Variants in LMF1 observed in about 807,000 individuals in gnomAD.
LMF1 encodes the protein lipase maturation factor 1.
LMF1 carries 68 observed loss-of-function variants against 60.6 expected under a neutral mutation model. That is an observed-to-expected ratio of 1.12 (90% CI 0.92 to 1.37). LMF1 has a LOEUF of 1.37. Among genes scored for constraint, LMF1 ranks in the 40% most tolerant of loss-of-function variants. The pLI is 0.00. For synonymous variants in LMF1, 418 were observed against 324.7 expected, an observed-to-expected ratio of 1.29 and a Z score of -3.09; for missense variants, 948 against 767.2, an observed-to-expected ratio of 1.24 and a Z score of -2.78.
intron 5 of LMF1, among the ~76,000 whole-genome samples, chr16:882,301 T>C (rs1596895471): frequency 6.6e-6 from 1 of 152,284 alleles, no homozygotes; most frequent in East Asian, 1.9e-4. Flanking sequence ...ATGGCTCGCC[T>C]CCCCTGGAAT....
rs1362909036 is a variant in LMF1 at position 854,495 on chromosome 16, G to A, written c.*37C>T. ...GAAGGGCAAACGTTGCTGAGCCGCCGAGGGGCTGGGTCTTCGCCTTTATTT... is the reference window on the plus strand; with the variant it reads ...GAAGGGCAAACGTTGCTGAGCCGCCAAGGGGCTGGGTCTTCGCCTTTATTT... On this transcript the variant is annotated 3_prime_UTR_variant, in exon 11 of 11. Transcript: ENST00000262301. 2.5e-6 allele frequency: 4 copies of A among 1,583,648 alleles called. No homozygotes were observed. Among genetic ancestry groups the A allele is most frequent in the East Asian group, 2.3e-5 (1 of 43,852 alleles).
intron 10 of LMF1, among the ~76,000 whole-genome samples, chr16:864,687 G>C (rs1192700059): frequency 1.3e-5 from 2 of 149,992 alleles, no homozygotes; most frequent in African/African-American, 5.0e-5. Context: ...TTGAGATAGG[G>C]TCTTGTGTCG....
At chr16:954,790 G>C in intron 1 of LMF1, 124 bp from the exon 2 acceptor site, 1 of 869,560 alleles carries the variant, frequency 1.2e-6, no homozygotes, top group East Asian at 2.6e-5. Context: ...CTGACGGTTT[G>C]GGGCCAAACC....
intron 3 of LMF1, among the ~76,000 whole-genome samples, chr16:911,902 C>T (rs543875736): frequency 7.9e-5 from 12 of 152,230 alleles, no homozygotes; most frequent in East Asian, 1.9e-4. Flanking sequence ...GCGGGGGACA[C>T]GTGGGGGCCC....
chr16:883,483 C>CA (rs1479149055), intron 5 of LMF1, among the ~76,000 whole-genome samples: 1 of 152,206 alleles, frequency 6.6e-6, no homozygotes, highest in African/African-American at 2.4e-5. Context: ...ATCCAGAAGC[C>CA]AAACAGTGTT....
chr16:925,919 G>A (rs757613894), intron 3 of LMF1, among the ~76,000 whole-genome samples: 3 of 152,144 alleles, frequency 2.0e-5, no homozygotes, highest in African/African-American at 4.8e-5. Flanking sequence ...GCATGTGCAC[G>A]TGTTTGCATA....
intron 3 of LMF1, chr16:933,955 T>C (rs1417266656): frequency 1.4e-6 from 2 of 1,416,368 alleles, no homozygotes; most frequent in African/African-American, 2.9e-5. Context: ...CTGTGGGTGC[T>C]TTCCCTCTGC....
At position 954,426 on chromosome 16, in the gene LMF1, C is replaced by T. The variant is rs771658591; in HGVS notation, c.434G>A (p.Cys145Tyr). The part of the protein sequence containing the change: ...GISSFVLITG[C>Y]ANMLLMAALW... ...GGCAGCCATGAGAAGCATGTTGGCG[C>T]AGCCCGTGATCAGTACGAAAGACGA... The change falls in exon 2 of 11, where the codon TGC (cysteine) becomes TAC (tyrosine). Residue 145 changes from cysteine (C) to tyrosine (Y), a missense_variant. Physicochemically the swap from Cys to Tyr is radical, Grantham distance 194. Transcript: ENST00000262301. The T allele has an allele frequency of 1.9e-5, 30 of 1,612,956 alleles. No homozygotes were observed. The African/African-American group carries it at 2.0e-4, about 11-fold the overall frequency.
At chr16:859,321 GTT>G (rs775946826) in intron 10 of LMF1, among the ~76,000 whole-genome samples, 1 of 13,318 alleles carries the variant, frequency 7.5e-5, no homozygotes, top group Non-Finnish European at 1.6e-4. Flanking sequence ...GGTGTGCAGT[GTT>G]GTCACGGGAC....
intron 10 of LMF1, among the ~76,000 whole-genome samples, chr16:862,220 G>A (rs1008982943): frequency 4.6e-5 from 7 of 150,894 alleles, no homozygotes; most frequent in African/African-American, 1.7e-4. Flanking sequence ...CTGTTGCCGA[G>A]GCTGGAGTGC....
chr16:977,940 A>ACAT (rs1351668881), intron 1 of LMF1, among the ~76,000 whole-genome samples: 173 of 146,484 alleles, frequency 1.2e-3, no homozygotes, highest in African/African-American at 4.3e-3. Context: ...CATACATCAT[A>ACAT]CACACGCACA....
intron 1 of LMF1, among the ~76,000 whole-genome samples, chr16:977,371 C>A (rs868754448): frequency 1.3e-5 from 2 of 152,294 alleles, no homozygotes; most frequent in Non-Finnish European, 1.5e-5. Context: ...CCCCTCCTCT[C>A]CCCTGGAGAC....
chr16:947,661 G>A (rs968093571), intron 2 of LMF1: 9 of 451,102 alleles, frequency 2.0e-5, no homozygotes, highest in African/African-American at 1.0e-4. Flanking sequence ...TTCTGGGGTC[G>A]AGACAGTGGG....
chr16:948,015 G>A (rs375713839), intron 2 of LMF1, among the ~76,000 whole-genome samples: 2 of 151,062 alleles, frequency 1.3e-5, no homozygotes, highest in Non-Finnish European at 2.9e-5. Context: ...GTCAGCCAAC[G>A]ACAGAGTCAG....
At chr16:913,060 C>T (rs1401339491) in intron 3 of LMF1, among the ~76,000 whole-genome samples, 1 of 152,226 alleles carries the variant, frequency 6.6e-6, no homozygotes, top group Non-Finnish European at 1.5e-5. Context: ...GAGGAGCCGT[C>T]CTCGCCCCCG....
At chr16:918,162 C>T (rs145852233) in intron 3 of LMF1, among the ~76,000 whole-genome samples, 2,983 of 152,318 alleles carry the variant, frequency 0.02, 34 homozygotes, top group Admixed American at 0.032. Flanking sequence ...GTTAACTGCA[C>T]GCTCTCAGTT....
rs1286067670 is a variant in LMF1, at chr16:962,417, T to C, written c.194-7751A>G. Among the ~76,000 whole-genome samples, 1 of 152,160 alleles carries C rather than the reference T, an allele frequency of 6.6e-6. No individual in the cohort carries two copies. Among genetic ancestry groups the C allele is most frequent in the Non-Finnish European group, 1.5e-5 (1 of 68,040 alleles). On this transcript the variant is annotated intron_variant, in intron 1 of 10. Coordinates refer to ENST00000262301, the MANE Select transcript of LMF1 (RefSeq NM_022773.4). The surrounding 1 kb of genome is among the most constrained non-coding windows in gnomAD (Gnocchi z 4.5). The stretch of plus-strand genomic sequence containing the variant: ...TTCAGGAGGCGGGGGCTGGACCCAG[T>C]GAGCGGCTTCCAGAGGACAGAGCGG...
In LMF1 at chr16:857,026, T is replaced by C. The variant is rs893635166; in HGVS notation, c.1530-2320A>G. ...ATGATTTCAAGAATGAGTGGAACCC[T>C]GCGGCACGTACCCGCGGGGCAGGCG... On this transcript the variant is annotated intron_variant, in intron 10 of 10. Transcript: ENST00000262301. Among the ~76,000 whole-genome samples the C allele has an allele frequency of 8.5e-5, 13 of 152,374 alleles. 1 individual carries two copies. Among genetic ancestry groups the C allele is most frequent in the African/African-American group, 2.6e-4 (11 of 41,592 alleles).
rs749295293 is a variant in LMF1, at chr16:871,087, C to T, written c.1078+74G>A. On this transcript the variant is annotated intron_variant, in intron 7 of 10. Transcript: ENST00000262301. ...CCTACCCTGGCGTCCCCAACCCACA[C>T]GGGCAGGCTGTGGGGCTGGCACCAC... 58 of 1,456,730 alleles carry T rather than the reference C, an allele frequency of 4.0e-5. No individual in the cohort carries two copies. The Middle Eastern group carries it at 1.5e-3, about 38-fold the overall frequency. 90.2% of individuals were successfully genotyped at this position (1,456,730 alleles called of 1,614,324 possible).
Sources: allele counts gnomAD v4.1 joint callset (sites outside exome capture counted in the v4.1 genomes callset), GRCh38; gene constraint gnomAD v4.1.1; non-coding constraint Gnocchi (gnomAD v3.1); transcripts MANE v1.5; gene names NCBI Gene and HGNC (gene_info 2026-07-23, HGNC 2026-07-21).